TNS3: variants seen among roughly 807,000 people sequenced by gnomAD.
TNS3 encodes tensin 3.
In TNS3, 45 loss-of-function variants were observed where a neutral mutation model predicts 140.9. The ratio of observed to expected loss-of-function variants is 0.32; its 90% CI spans 0.25 to 0.41. The LOEUF is 0.41. Ranked by LOEUF, TNS3 falls within the 10% of genes least tolerant of loss-of-function variation. TNS3 has a pLI of 1.00. For missense variants in TNS3, 1,716 were observed against 1,906.7 expected, an observed-to-expected ratio of 0.90 and a Z score of 1.86; for synonymous variants, 815 against 788.4, an observed-to-expected ratio of 1.03 and a Z score of -0.56.
chr7:47,377,364 A>T (rs1397979952), intron 16 of TNS3, among the ~76,000 whole-genome samples: 1 of 152,190 alleles, frequency 6.6e-6, no homozygotes, highest in Non-Finnish European at 1.5e-5. Flanking sequence ...AAAGGGCTCG[A>T]CTGTACGACT....
In TNS3 at chr7:47,303,127, C is replaced by A. The variant is rs767842766; in HGVS notation, c.3280G>T (p.Gly1094Trp). The A allele has an allele frequency of 6.2e-7, 1 of 1,613,928 alleles. No individual in the cohort carries two copies. The highest frequency in any genetic ancestry group is 1.1e-5 in the South Asian group (1 of 91,070). ...GLQGQGVTLPGQPPLPEKKRA... is the reference protein window; with the variant it reads ...GLQGQGVTLPWQPPLPEKKRA... ...TTCTTCTCAGGGAGGGGTGGCTGCCCGGGCAGGGTCACACCCTGGCCCTGC... is the reference window on the plus strand; with the variant it reads ...TTCTTCTCAGGGAGGGGTGGCTGCCAGGGCAGGGTCACACCCTGGCCCTGC... Residue 1094 changes from glycine to tryptophan, a missense_variant, in exon 22 of 31, where the codon GGG (glycine) becomes TGG (tryptophan). This residue lies in a region of TNS3 where 1,163 missense variants were observed against 1,182.1 expected (regional missense o/e 0.98). Coordinates refer to ENST00000311160, the MANE Select transcript of TNS3 (RefSeq NM_022748.12).
chr7:47,475,451 ACACCAGAGGCCGC>A (rs1797154556), intron 4 of TNS3, among the ~76,000 whole-genome samples: 1 of 152,226 alleles, frequency 6.6e-6, no homozygotes. Flanking sequence ...GAACCCTCCC[ACACCAGAGGCCGC>A]CACCAGAAGG....
At chr7:47,309,133 T>C (rs967058852) in intron 20 of TNS3, among the ~76,000 whole-genome samples, 2 of 152,236 alleles carry the variant, frequency 1.3e-5, no homozygotes, top group Non-Finnish European at 2.9e-5. Context: ...TCAGGGATCG[T>C]TGTCTTTCAC....
intron 1 of TNS3, among the ~76,000 whole-genome samples, chr7:47,565,371 G>A (rs1272575622): frequency 2.0e-5 from 3 of 150,096 alleles, no homozygotes; most frequent in Non-Finnish European, 4.4e-5. Context: ...CACCGCGCCC[G>A]GCCTTTTTTT....
chr7:47,444,723 T>C (rs1795642007), intron 4 of TNS3, among the ~76,000 whole-genome samples: 1 of 152,134 alleles, frequency 6.6e-6, no homozygotes. Context: ...AATTCAGCAT[T>C]ATAGGCCTCG....
intron 3 of TNS3, among the ~76,000 whole-genome samples, chr7:47,486,696 TCTC>T (rs1404198887): frequency 6.6e-6 from 1 of 152,110 alleles, no homozygotes; most frequent in African/African-American, 2.4e-5. Context: ...ACAACTCAGT[TCTC>T]CTCGTGCTTG....
intron 1 of TNS3, among the ~76,000 whole-genome samples, chr7:47,556,482 G>T (rs551980739): frequency 2.6e-5 from 4 of 152,288 alleles, no homozygotes; most frequent in African/African-American, 9.6e-5. Flanking sequence ...GCCTGAGTCT[G>T]GGCATCTGAA....
chr7:47,297,060 C>A, intron 24 of TNS3, 22 bp downstream of exon 24: 1 of 1,613,890 alleles, frequency 6.2e-7, no homozygotes, highest in South Asian at 1.1e-5. Flanking sequence ...CTGAACAGAT[C>A]AATAGGGAGC....
At chr7:47,289,831 T>C (rs79025936) in intron 27 of TNS3, among the ~76,000 whole-genome samples, 3,527 of 152,316 alleles carry the variant, frequency 0.023, 130 homozygotes, top group African/African-American at 0.08. Flanking sequence ...ATTTCATCTA[T>C]AGATTCAATG....
At chr7:47,441,240 G>A (rs372983669) in intron 5 of TNS3, among the ~76,000 whole-genome samples, 1 of 152,118 alleles carries the variant, frequency 6.6e-6, no homozygotes, top group East Asian at 1.9e-4. Flanking sequence ...ATGCAGTGGC[G>A]CAATCTCGGC....
At chr7:47,362,974 TACCATC>T (rs1270008503) in intron 17 of TNS3, among the ~76,000 whole-genome samples, 1 of 210 alleles carries the variant, frequency 4.8e-3, no homozygotes, top group African/African-American at 0.014. Flanking sequence ...CAGAGTCATT[TACCATC>T]ACCATCACCA....
intron 4 of TNS3, among the ~76,000 whole-genome samples, chr7:47,474,829 ACG>A (rs2151757965): frequency 6.8e-6 from 1 of 147,926 alleles, no homozygotes; most frequent in Non-Finnish European, 1.5e-5. Flanking sequence ...CACAACACAC[ACG>A]ACAGACACAC....
chr7:47,432,701 G>C (rs891687670), intron 8 of TNS3, among the ~76,000 whole-genome samples: 1 of 152,212 alleles, frequency 6.6e-6, no homozygotes, highest in Admixed American at 6.5e-5. Flanking sequence ...TGCATTGTGG[G>C]TGGAAGCAGC....
At chr7:47,344,132 T>C (rs1362287608) in intron 20 of TNS3, among the ~76,000 whole-genome samples, 1 of 152,222 alleles carries the variant, frequency 6.6e-6, no homozygotes, top group African/African-American at 2.4e-5. Context: ...TCTCTCCACC[T>C]GCCTGAGCTC....
At chr7:47,545,216 T>A (rs1799889935) in intron 1 of TNS3, among the ~76,000 whole-genome samples, 1 of 146,436 alleles carries the variant, frequency 6.8e-6, no homozygotes, top group African/African-American at 2.5e-5. Flanking sequence ...CTCGGCTCAC[T>A]GCAACGTCCA....
chr7:47,538,845 T>C (rs1243884537), intron 1 of TNS3, among the ~76,000 whole-genome samples: 1 of 152,244 alleles, frequency 6.6e-6, no homozygotes, highest in Non-Finnish European at 1.5e-5. Flanking sequence ...CATTCATTTT[T>C]CTGTATACAT....
intron 6 of TNS3, among the ~76,000 whole-genome samples, chr7:47,438,652 G>A (rs1795310423): frequency 6.6e-6 from 1 of 152,078 alleles, no homozygotes; most frequent in Admixed American, 6.5e-5. Context: ...GGTAGCACCT[G>A]GGCCAGGGCT....
At chr7:47,481,856 C>T in intron 3 of TNS3, 1 of 184,026 alleles carries the variant, frequency 5.4e-6, no homozygotes, top group Admixed American at 6.5e-5. Flanking sequence ...AGGATCTCCA[C>T]CACTTACTAG....
At chr7:47,316,676 A>G in intron 20 of TNS3, among the ~76,000 whole-genome samples, 1 of 151,602 alleles carries the variant, frequency 6.6e-6, no homozygotes, top group African/African-American at 2.4e-5. Context: ...TCAAAATACA[A>G]AAGTTAGCCA....
Sources: gnomAD v4.1 joint callset for allele counts (sites outside exome capture counted in the v4.1 genomes callset) on GRCh38, gnomAD v4.1.1 for gene constraint, gnomAD v4.1.1 regional missense constraint, MANE v1.5 for transcripts, NCBI Gene and HGNC (gene_info 2026-07-23, HGNC 2026-07-21) for gene names.